The following SPTBN4 variants were observed in gnomAD, a reference collection of about 807,000 sequenced individuals.
SPTBN4 encodes the protein spectrin beta, non-erythrocytic 4, also known as spectrin beta chain, non-erythrocytic 4.
SPTBN4 carries 96 observed loss-of-function variants against 277.8 expected under a neutral mutation model. That is an observed-to-expected ratio of 0.35 (90% CI 0.29 to 0.41). The LOEUF (loss-of-function observed/expected upper bound fraction) is 0.41. Ranked by LOEUF, SPTBN4 falls within the 10% of genes least tolerant of loss-of-function variation. The pLI, the probability that SPTBN4 is intolerant of heterozygous loss-of-function variation, is 1.00. For missense variants in SPTBN4, 3,006 were observed against 3,595.7 expected (o/e 0.84, Z 4.19); for synonymous variants, 1,481 against 1,580.3 (o/e 0.94, Z 1.49).
intron 18 of SPTBN4, chr19:40,530,542 C>G: frequency 1.0e-6 from 1 of 980,582 alleles, no homozygotes; most frequent in Non-Finnish European, 1.2e-6. Flanking sequence ...GGGGCGAGCA[C>G]CCGCCCGCCC....
intron 12 of SPTBN4, among the ~76,000 whole-genome samples, chr19:40,504,594 G>A (rs979708970): frequency 1.7e-4 from 26 of 151,802 alleles, no homozygotes; most frequent in Admixed American, 4.6e-4. Flanking sequence ...GCGTGAACCC[G>A]GGAGGCGGAG....
rs771711123 is a variant in SPTBN4 at position 40,516,043 on chromosome 19, G to GTA, written c.2903+606_2903+607dup. ...TATACGTATATATACACATATATATGTATATATATATACACACTATATATA... is the reference window on the plus strand; with the variant it reads ...TATACGTATATATACACATATATATGTATATATATATATACACACTATATATA... On this transcript the variant is annotated intron_variant, in intron 15 of 35. Coordinates refer to ENST00000598249, the MANE Select transcript of SPTBN4 (RefSeq NM_020971.3). Among the ~76,000 whole-genome samples the GTA allele has an allele frequency of 5.2e-4, 72 of 139,244 alleles. 3 individuals carry two copies. Among genetic ancestry groups the GTA allele is most frequent in the African/African-American group, 2.5e-4 (9 of 36,216 alleles). 91.3% of individuals were successfully genotyped at this position (139,244 alleles called of 152,430 possible).
chr19:40,492,180 AGGGAGTGGAGTGGACAGGCCTTAC>A (rs905823191), intron 4 of SPTBN4, among the ~76,000 whole-genome samples: 2 of 152,096 alleles, frequency 1.3e-5, no homozygotes, highest in Non-Finnish European at 1.5e-5. Context: ...GAAGACACTC[AGGGAGTGGAGTGGACAGGCCTTAC>A]GGGAGGGGAG....
In SPTBN4 at chr19:40,503,995, C is replaced by A; in HGVS notation, c.1528C>A (p.Arg510Ser). 1 of 1,613,986 alleles carries A rather than the reference C, an allele frequency of 6.2e-7. No individual in the cohort carries two copies. Among genetic ancestry groups the A allele is most frequent in the Non-Finnish European group, 8.5e-7 (1 of 1,180,008 alleles). The part of the protein sequence containing the change: ...YYDIRRVAAQ[R>S]DSVLRQWALL... ...CGATATCCGGCGGGTGGCAGCCCAG[C>A]GTGACAGCGTCCTGCGCCAGTGGGC... The change falls in exon 12 of 36, where the codon CGT becomes AGT. Residue 510 changes from arginine (R) to serine (S), a missense_variant. Physicochemically the swap from Arg to Ser is moderately radical, Grantham distance 110 (BLOSUM62 -1). Around this residue, in one of 5 missense-constraint regions of SPTBN4, gnomAD observed 1,759 missense variants for 2,061.5 expected, o/e 0.85. Coordinates refer to ENST00000598249, the MANE Select transcript of SPTBN4 (RefSeq NM_020971.3).
rs368203484 is a variant in SPTBN4 at position 40,572,012 on chromosome 19, G to A, written c.7320-7G>A. The A allele has an allele frequency of 8.4e-5, 129 of 1,532,854 alleles. No homozygotes were observed. Among genetic ancestry groups the A allele is most frequent in the East Asian group, 1.1e-4 (5 of 43,868 alleles). 95.0% of individuals were successfully genotyped at this position (1,532,854 alleles called of 1,614,324 possible). ...GCTCTGCCTTGAGCCCCATCTTGTC[G>A]CTCCAGGTCGTGGGTGAGCCTGTAC... On this transcript the variant is annotated splice_polypyrimidine_tract_variant and splice_region_variant and intron_variant, in intron 33 of 35. Transcript: ENST00000598249.
chr19:40,565,813 C>T, intron 29 of SPTBN4, 68 bp downstream of exon 29: 1 of 1,496,666 alleles, frequency 6.7e-7, no homozygotes, highest in Non-Finnish European at 9.1e-7. Context: ...CCAGCCAAGG[C>T]CCAGAGGGTG....
Position 40,519,890 on chromosome 19 carries a change from C to CCACGCTGCGCT in SPTBN4, c.3396_3406dup (p.Lys1136ThrfsTer39). 1 of 1,518,606 alleles carries CCACGCTGCGCT rather than the reference C, an allele frequency of 6.6e-7. No individual in the cohort carries two copies. The highest frequency in any genetic ancestry group is 1.2e-5 in the South Asian group (1 of 81,240). 94.1% of individuals were successfully genotyped at this position (1,518,606 alleles called of 1,614,324 possible). Reference sequence around the variant, plus strand: ...AAGAGGCGGACGCGCTGCTGGCGCGCCACGCTGCGCTCAAGGAGGAGGTGG... The same window carrying CCACGCTGCGCT: ...AAGAGGCGGACGCGCTGCTGGCGCGCCACGCTGCGCTCACGCTGCGCTCAAGGAGGAGGTGG... On this transcript the variant is annotated frameshift_variant, in exon 16 of 36. Transcript: ENST00000598249. LOFTEE classifies it high-confidence loss of function. The surrounding 1 kb of genome is among the most constrained non-coding windows in gnomAD (Gnocchi z 5.7).
intron 21 of SPTBN4, among the ~76,000 whole-genome samples, chr19:40,549,909 C>T (rs915212044): frequency 1.3e-5 from 2 of 152,150 alleles, no homozygotes; most frequent in African/African-American, 4.8e-5. Context: ...TGATAGGAAA[C>T]AAGACCTGTA....
Position 40,500,664 on chromosome 19 carries a change from A to G in SPTBN4, c.785-1257A>G, listed in dbSNP as rs182970230. Among the ~76,000 whole-genome samples the G allele has an allele frequency of 5.9e-4, 90 of 152,238 alleles. No homozygotes were observed. The East Asian group carries it at 0.014, about 24-fold the overall frequency. ...GAGAGACCCTGTCTATGTTTTATAA[A>G]AAATAAAAAGTCTATTTAAAAAATT... On this transcript the variant is annotated intron_variant, in intron 7 of 35. Coordinates refer to ENST00000598249, the MANE Select transcript of SPTBN4 (RefSeq NM_020971.3).
At position 40,515,934 on chromosome 19, in the gene SPTBN4, CATATAT is replaced by C. The variant is rs796794997; in HGVS notation, c.2903+488_2903+493del. ...ATATACACACACATATATATACACA[CATATAT>C]ACGTATATATACACATATATACGTA... On this transcript the variant is annotated intron_variant, in intron 15 of 35. Coordinates refer to ENST00000598249, the MANE Select transcript of SPTBN4 (RefSeq NM_020971.3). The surrounding 1 kb of genome is among the most constrained non-coding windows in gnomAD (Gnocchi z 4.1). 1.4e-4 allele frequency among the ~76,000 whole-genome samples: 11 copies of C among 78,212 alleles called. No homozygotes were observed. Among genetic ancestry groups the C allele is most frequent in the African/African-American group, 1.9e-4 (4 of 20,802 alleles). The allele number at this position is 78,212 out of a possible 152,430, so 51.3% of individuals were successfully genotyped here.
Position 40,557,096 on chromosome 19 carries a change from A to G in SPTBN4, c.5363A>G (p.Asn1788Ser), listed in dbSNP as rs997113611. The G allele has an allele frequency of 1.3e-6, 2 of 1,597,770 alleles. No homozygotes were observed. The highest frequency in any genetic ancestry group is 1.7e-6 in the Non-Finnish European group (2 of 1,168,560). Reference protein sequence around the residue: ...MAGRERLAAVNQMVDELIECG... With the variant: ...MAGRERLAAVSQMVDELIECG... ...GGGCGGGAACGGCTGGCAGCTGTGAACCAGATGGTGGATGAGCTGATCGAG... is the reference window on the plus strand; with the variant it reads ...GGGCGGGAACGGCTGGCAGCTGTGAGCCAGATGGTGGATGAGCTGATCGAG... Residue 1788 changes from asparagine to serine, a missense_variant, in exon 26 of 36, where the codon AAC becomes AGC. Coordinates refer to ENST00000598249, the MANE Select transcript of SPTBN4 (RefSeq NM_020971.3).
rs555677059 is a variant in SPTBN4, at chr19:40,523,914, C to T, written c.3857+275C>T. Among the ~76,000 whole-genome samples the T allele has an allele frequency of 3.3e-5, 5 of 152,276 alleles. No individual in the cohort carries two copies. The South Asian group carries it at 8.3e-4, about 25-fold the overall frequency. On this transcript the variant is annotated intron_variant, in intron 17 of 35. Coordinates refer to ENST00000598249, the MANE Select transcript of SPTBN4 (RefSeq NM_020971.3). Reference sequence around the variant, plus strand: ...CACCTCCCAGGTTCAAGTGATTCTCCTGCCTCAGCCTCCCGAGTAGCTGGG... The same window carrying T: ...CACCTCCCAGGTTCAAGTGATTCTCTTGCCTCAGCCTCCCGAGTAGCTGGG...
intron 17 of SPTBN4, among the ~76,000 whole-genome samples, chr19:40,524,262 C>T (rs1468625140): frequency 4.0e-5 from 6 of 151,492 alleles, no homozygotes; most frequent in African/African-American, 1.5e-4. Flanking sequence ...CCCAGCACTT[C>T]GGTAGGCTGA....
chr19:40,481,003 T>A (rs1490798827), intron 2 of SPTBN4, among the ~76,000 whole-genome samples: 1 of 152,100 alleles, frequency 6.6e-6, no homozygotes, highest in Non-Finnish European at 1.5e-5. Flanking sequence ...AGGTGGAGGT[T>A]GCGGTGAGCC....
intron 32 of SPTBN4, 38 bp from the exon 33 acceptor site, chr19:40,570,398 C>T (rs1568382343): frequency 6.6e-7 from 1 of 1,521,340 alleles, no homozygotes; most frequent in East Asian, 2.6e-5. Flanking sequence ...CACACCCTCT[C>T]CATGGACAGC....
chr19:40,470,464 G>C (rs1308152205), intron 1 of SPTBN4, among the ~76,000 whole-genome samples: 1 of 150,868 alleles, frequency 6.6e-6, no homozygotes, highest in South Asian at 2.1e-4. Flanking sequence ...GCACTACCAT[G>C]CCCAGCTCAT....
chr19:40,501,255 TA>T (rs1369975565), intron 7 of SPTBN4, among the ~76,000 whole-genome samples: 1 of 136,348 alleles, frequency 7.3e-6, no homozygotes, highest in Non-Finnish European at 1.6e-5. Flanking sequence ...AAAAAAAAAG[TA>T]AAAAGTTGAG....
chr19:40,512,561 C>T (rs200054536), intron 13 of SPTBN4, 45 bp from the exon 14 acceptor site: 71 of 1,477,912 alleles, frequency 4.8e-5, no homozygotes, highest in Non-Finnish European at 6.1e-5. Flanking sequence ...TTGGGCGCCC[C>T]TTGGCTTGTG....
intron 13 of SPTBN4, among the ~76,000 whole-genome samples, chr19:40,508,224 C>T (rs889247216): frequency 3.3e-5 from 5 of 152,188 alleles, no homozygotes; most frequent in African/African-American, 1.2e-4. Context: ...ATGGATGGGA[C>T]ATGGATGCTG....
Sources: gnomAD v4.1 joint callset for allele counts (sites outside exome capture counted in the v4.1 genomes callset) on GRCh38, gnomAD v4.1.1 for gene constraint, gnomAD v4.1.1 regional missense constraint, Gnocchi (gnomAD v3.1) non-coding constraint, MANE v1.5 for transcripts, NCBI Gene and HGNC (gene_info 2026-07-23, HGNC 2026-07-21) for gene names.